Variants in WWOX observed in about 807,000 individuals in gnomAD.
WWOX encodes WW domain-containing oxidoreductase.
Under a neutral mutation model 46.2 loss-of-function variants are expected in WWOX, and 69 were observed. That is an observed-to-expected ratio of 1.49 (90% confidence interval 1.23 to 1.82). The LOEUF is 1.82. Ranked by LOEUF, WWOX falls within the 40% of genes most tolerant of loss-of-function variation. The pLI is 0.00. For synonymous variants in WWOX, 359 were observed against 202.6 expected, an observed-to-expected ratio of 1.77 and a Z score of -6.56; for missense variants, 919 against 542.6, an observed-to-expected ratio of 1.69 and a Z score of -6.89.
intron 8 of WWOX, among the ~76,000 whole-genome samples, chr16:78,697,539 GA>G (rs1469781271): frequency 6.6e-6 from 1 of 152,010 alleles, no homozygotes; most frequent in Non-Finnish European, 1.5e-5. Flanking sequence ...GATCTACATG[GA>G]ACTCAAATTA....
At chr16:78,796,491 T>G (rs2050741151) in intron 8 of WWOX, among the ~76,000 whole-genome samples, 1 of 152,238 alleles carries the variant, frequency 6.6e-6, no homozygotes, top group Admixed American at 6.5e-5. Flanking sequence ...AAATGTAGTC[T>G]GGTGATGCCT....
intron 8 of WWOX, among the ~76,000 whole-genome samples, chr16:79,079,584 T>C (rs8046088): frequency 6.6e-6 from 1 of 152,150 alleles, no homozygotes. Context: ...GCCTGTAACC[T>C]TCTGAAACTT....
At chr16:78,961,131 A>G (rs117489316) in intron 8 of WWOX, among the ~76,000 whole-genome samples, 1 of 152,194 alleles carries the variant, frequency 6.6e-6, no homozygotes, top group Non-Finnish European at 1.5e-5. Context: ...CAAGCCAAGC[A>G]TTCAATGGTT....
intron 5 of WWOX, among the ~76,000 whole-genome samples, chr16:78,304,259 C>A (rs1386251016): frequency 6.6e-6 from 1 of 152,194 alleles, no homozygotes; most frequent in Non-Finnish European, 1.5e-5. Flanking sequence ...ATGCATAGGC[C>A]TTTAGCCTTT....
intron 5 of WWOX, among the ~76,000 whole-genome samples, chr16:78,379,200 A>C (rs894020415): frequency 1.3e-5 from 2 of 152,198 alleles, no homozygotes; most frequent in African/African-American, 4.8e-5. Context: ...AATACATGCA[A>C]ATTAGAGCTT....
intron 8 of WWOX, among the ~76,000 whole-genome samples, chr16:78,639,136 A>G (rs1166423095): frequency 6.6e-6 from 1 of 152,218 alleles, no homozygotes; most frequent in Non-Finnish European, 1.5e-5. Flanking sequence ...CTTTTTGGGC[A>G]AGGTGAAAAC....
At chr16:78,820,631 G>A (rs7199947) in intron 8 of WWOX, among the ~76,000 whole-genome samples, 129,988 of 152,116 alleles carry the variant, frequency 0.85, 55,988 homozygotes, top group African/African-American at 0.95. Flanking sequence ...CACAGGGCCT[G>A]TCTTCAGGGA....
At chr16:78,574,085 T>C (rs9936540) in intron 8 of WWOX, among the ~76,000 whole-genome samples, 2,284 of 152,324 alleles carry the variant, frequency 0.015, 58 homozygotes, top group African/African-American at 0.049. Context: ...GGCTTCTTGC[T>C]GACTGTTGGC....
chr16:78,418,903 C>T (rs1372379798), intron 6 of WWOX, among the ~76,000 whole-genome samples: 1 of 151,980 alleles, frequency 6.6e-6, no homozygotes, highest in Non-Finnish European at 1.5e-5. Context: ...GATATTCACT[C>T]TCATCACTTT....
intron 8 of WWOX, among the ~76,000 whole-genome samples, chr16:78,960,705 T>G (rs150651592): frequency 2.6e-5 from 4 of 152,322 alleles, no homozygotes; most frequent in Admixed American, 6.5e-5. Context: ...GCTACTGGGA[T>G]GTATGACTTT....
At chr16:78,203,647 A>C (rs1292422705) in intron 5 of WWOX, among the ~76,000 whole-genome samples, 2 of 152,206 alleles carry the variant, frequency 1.3e-5, no homozygotes, top group African/African-American at 4.8e-5. Context: ...TCTTGCGACC[A>C]CAGGTAGGGA....
chr16:78,625,261 C>G (rs1261169176), intron 8 of WWOX, among the ~76,000 whole-genome samples: 1 of 152,176 alleles, frequency 6.6e-6, no homozygotes, highest in African/African-American at 2.4e-5. Flanking sequence ...ACTCTTTAGC[C>G]TCAGTCCCTC....
chr16:78,114,199 G>A (rs563436759), intron 3 of WWOX, among the ~76,000 whole-genome samples: 1 of 150,126 alleles, frequency 6.7e-6, no homozygotes, highest in Admixed American at 6.7e-5. Flanking sequence ...TTAGGCTCAC[G>A]TGATCATCCT....
At chr16:78,404,609 G>C (rs1432943630) in intron 6 of WWOX, among the ~76,000 whole-genome samples, 1 of 152,102 alleles carries the variant, frequency 6.6e-6, no homozygotes, top group East Asian at 1.9e-4. Flanking sequence ...AATTTCTTAA[G>C]GACGGGACTA....
chr16:79,027,405 C>A (rs1462916500), intron 8 of WWOX, among the ~76,000 whole-genome samples: 1 of 151,588 alleles, frequency 6.6e-6, no homozygotes, highest in Non-Finnish European at 1.5e-5. Context: ...GGAGCAAGGC[C>A]ATTTTGTGTA....
chr16:78,334,784 T>C (rs1463345115), intron 5 of WWOX, among the ~76,000 whole-genome samples: 3 of 141,662 alleles, frequency 2.1e-5, no homozygotes, highest in Non-Finnish European at 3.0e-5. Flanking sequence ...AATGGGAAAG[T>C]CTCCCCTCCA....
chr16:78,901,936 C>T (rs1477738620), intron 8 of WWOX, among the ~76,000 whole-genome samples: 1 of 152,214 alleles, frequency 6.6e-6, no homozygotes, highest in Non-Finnish European at 1.5e-5. Context: ...CACTGTTGGG[C>T]TGATCAATCC....
At chr16:79,015,487 A>C (rs1365191465) in intron 8 of WWOX, among the ~76,000 whole-genome samples, 1 of 152,138 alleles carries the variant, frequency 6.6e-6, no homozygotes, top group Non-Finnish European at 1.5e-5. Context: ...TGCTCAATAA[A>C]CTATAACGTC....
chr16:78,305,724 C>T (rs544042816), intron 5 of WWOX, among the ~76,000 whole-genome samples: 86 of 152,080 alleles, frequency 5.7e-4, no homozygotes, highest in Non-Finnish European at 9.7e-4. Flanking sequence ...TACCACGCAG[C>T]CCACATTAAA....
Sources: gnomAD v4.1 joint callset for allele counts (sites outside exome capture counted in the v4.1 genomes callset) on GRCh38, gnomAD v4.1.1 for gene constraint, MANE v1.5 for transcripts, NCBI Gene and HGNC (gene_info 2026-07-23, HGNC 2026-07-21) for gene names.